FBXO16: variants seen among roughly 807,000 people sequenced by gnomAD.
FBXO16 encodes F-box only protein 16.
In FBXO16, 31 loss-of-function variants were observed where a neutral mutation model predicts 41.0. That is an observed-to-expected ratio of 0.76 (90% confidence interval 0.57 to 1.02). The LOEUF is 1.02. FBXO16 is among the 50% of genes least tolerant of loss of function. The probability of loss-of-function intolerance (pLI) is 0.00; values close to 1 mark genes in which losing one functional copy is unlikely to be tolerated. For missense variants in FBXO16, 361 were observed against 346.2 expected, an observed-to-expected ratio of 1.04 and a Z score of -0.34; for synonymous variants, 133 against 117.8, an observed-to-expected ratio of 1.13 and a Z score of -0.84.
chr8:28,460,658 C>A (rs1016822869), intron 4 of FBXO16, among the ~76,000 whole-genome samples: 1 of 151,916 alleles, frequency 6.6e-6, no homozygotes, highest in Non-Finnish European at 1.5e-5. Flanking sequence ...CTCCTGACCT[C>A]AAGTGATCTG....
intron 2 of FBXO16, among the ~76,000 whole-genome samples, chr8:28,481,837 G>T (rs1023519775): frequency 2.0e-5 from 3 of 150,928 alleles, no homozygotes; most frequent in Admixed American, 2.0e-4. Context: ...AGAATGCAAG[G>T]CCCTGAGCAT....
chr8:28,489,220 T>C (rs1055911923), intron 1 of FBXO16, among the ~76,000 whole-genome samples: 3 of 151,898 alleles, frequency 2.0e-5, no homozygotes, highest in African/African-American at 7.2e-5. Flanking sequence ...TGTGTGCCTA[T>C]AGTCCCAGCT....
intron 2 of FBXO16, among the ~76,000 whole-genome samples, chr8:28,483,014 G>A (rs183074764): frequency 1.1e-3 from 160 of 152,336 alleles, no homozygotes; most frequent in Non-Finnish European, 1.7e-3. Flanking sequence ...TTGGGGGAAT[G>A]CCATGGACCA....
intron 7 of FBXO16, among the ~76,000 whole-genome samples, chr8:28,433,032 G>C: frequency 6.6e-6 from 1 of 150,698 alleles, no homozygotes; most frequent in Non-Finnish European, 1.5e-5. Flanking sequence ...CTGCACTCCA[G>C]CCTCGGCGAC....
chr8:28,469,315 GA>G (rs78348990), intron 3 of FBXO16, among the ~76,000 whole-genome samples: 3,950 of 140,442 alleles, frequency 0.028, 93 homozygotes, highest in Non-Finnish European at 0.046. Context: ...CCCTGCCTCA[GA>G]AAAAAAAAAA....
At chr8:28,441,402 T>C (rs61327627) in intron 7 of FBXO16, among the ~76,000 whole-genome samples, 2,745 of 152,246 alleles carry the variant, frequency 0.018, 87 homozygotes, top group African/African-American at 0.063. Flanking sequence ...AGAAGACAGC[T>C]CCTTCCTTCC....
In FBXO16 at chr8:28,449,611, C is replaced by A. The variant is rs190815394; in HGVS notation, c.741-2338G>T. On this transcript the variant is annotated intron_variant, in intron 6 of 8. Coordinates refer to ENST00000380254, the MANE Select transcript of FBXO16 (RefSeq NM_172366.4). ...GTTCTGGGATTACAGGTGTTTGCCA[C>A]CACACCTGGCCTGATCTTCTTGGGA... 2.5e-3 allele frequency among the ~76,000 whole-genome samples: 383 copies of A among 152,094 alleles called. 1 individual carries two copies. Among genetic ancestry groups the A allele is most frequent in the South Asian group, 0.015 (74 of 4,806 alleles).
At position 28,428,458 on chromosome 8, in the gene FBXO16, A is replaced by G; in HGVS notation, c.*269T>C. 8.9e-7 allele frequency: 1 copy of G among 1,125,662 alleles called. No individual in the cohort carries two copies. The highest frequency in any genetic ancestry group is 1.2e-6 in the Non-Finnish European group (1 of 819,796). The allele number at this position is 1,125,662 out of a possible 1,614,324, so 69.7% of individuals were successfully genotyped here. ...GAAATACCGTAGGACTCACTACCAC[A>G]ATAAGTACTTAAGCTGAAAGAGTTT... On this transcript the variant is annotated 3_prime_UTR_variant, in exon 9 of 9. Coordinates refer to ENST00000380254, the MANE Select transcript of FBXO16 (RefSeq NM_172366.4).
intron 2 of FBXO16, among the ~76,000 whole-genome samples, chr8:28,477,466 T>G (rs1156887216): frequency 6.6e-6 from 1 of 152,230 alleles, no homozygotes; most frequent in Non-Finnish European, 1.5e-5. Context: ...CCACTCATTT[T>G]ACAAAGGAGG....
chr8:28,466,221 C>T (rs77271045), intron 3 of FBXO16, among the ~76,000 whole-genome samples: 5,347 of 152,020 alleles, frequency 0.035, 297 homozygotes, highest in African/African-American at 0.12. Flanking sequence ...AGAGCAAAAA[C>T]TCCATCTGAA....
At chr8:28,463,925 T>TGA (rs1803189615) in intron 3 of FBXO16, 107 bp from the exon 4 acceptor site, 2 of 1,032,442 alleles carry the variant, frequency 1.9e-6, no homozygotes, top group East Asian at 5.2e-5. Context: ...GTTTAGTAAT[T>TGA]TATTTCTAGT....
intron 1 of FBXO16, among the ~76,000 whole-genome samples, chr8:28,484,315 G>A (rs1803566377): frequency 6.6e-6 from 1 of 152,198 alleles, no homozygotes; most frequent in Non-Finnish European, 1.5e-5. Context: ...TATTGAAGAG[G>A]TAGCATGGTG....
chr8:28,434,417 TAAC>T (rs2130078581), intron 7 of FBXO16, among the ~76,000 whole-genome samples: 1 of 152,326 alleles, frequency 6.6e-6, no homozygotes, highest in African/African-American at 2.4e-5. Flanking sequence ...ATAAATATAG[TAAC>T]AACAATGACA....
intron 1 of FBXO16, among the ~76,000 whole-genome samples, chr8:28,488,293 CTTTTTTTT>C (rs10708340): frequency 5.2e-5 from 5 of 96,194 alleles, no homozygotes; most frequent in Non-Finnish European, 9.9e-5. Context: ...TCTTCTAAGC[CTTTTTTTT>C]TTTTTTTTTT....
intron 7 of FBXO16, among the ~76,000 whole-genome samples, chr8:28,441,221 C>T (rs1398922989): frequency 6.6e-6 from 1 of 152,084 alleles, no homozygotes; most frequent in African/African-American, 2.4e-5. Flanking sequence ...CTCTTTCCTC[C>T]CTACTCCCTC....
rs1214555229 is a variant in FBXO16, at chr8:28,441,835, T to TTA, written c.843+5334_843+5335dup. Among the ~76,000 whole-genome samples the TTA allele has an allele frequency of 3.0e-4, 44 of 148,970 alleles. 2 individuals are homozygous for TTA. The South Asian group carries it at 6.1e-3, about 21-fold the overall frequency. On this transcript the variant is annotated intron_variant, in intron 7 of 8. Coordinates refer to ENST00000380254, the MANE Select transcript of FBXO16 (RefSeq NM_172366.4). The stretch of plus-strand genomic sequence containing the variant: ...AGATGGTATCTGACTACTGTGAAGT[T>TTA]TATATATATATATAATGTGTGTATA...
chr8:28,441,796 T>C (rs1802781424), intron 7 of FBXO16, among the ~76,000 whole-genome samples: 1 of 150,346 alleles, frequency 6.7e-6, no homozygotes, highest in African/African-American at 2.4e-5. Context: ...TTGAAAATCT[T>C]TGAAGTTTAA....
At chr8:28,449,770 G>A (rs963030439) in intron 6 of FBXO16, among the ~76,000 whole-genome samples, 6 of 151,788 alleles carry the variant, frequency 4.0e-5, no homozygotes, top group African/African-American at 7.3e-5. Context: ...TTAGGAGTTC[G>A]AGACCAGCCT....
chr8:28,456,763 C>G lies in FBXO16; in HGVS notation c.507+3G>C. On this transcript the variant is annotated splice_donor_region_variant and intron_variant, in intron 5 of 8. Coordinates refer to ENST00000380254, the MANE Select transcript of FBXO16 (RefSeq NM_172366.4). ...AGCTTGTGGCTTTCTGTCTAAAATT[C>G]ACCTTAGGCTTGGTAATATGAAGTT... is the stretch of plus-strand genomic sequence containing the variant. The G allele has an allele frequency of 6.2e-7, 1 of 1,612,270 alleles. No homozygotes were observed. The highest frequency in any genetic ancestry group is 8.5e-7 in the Non-Finnish European group (1 of 1,179,000).
Sources: gnomAD v4.1 joint callset for allele counts (sites outside exome capture counted in the v4.1 genomes callset) on GRCh38, gnomAD v4.1.1 for gene constraint, MANE v1.5 for transcripts, NCBI Gene and HGNC (gene_info 2026-07-23, HGNC 2026-07-21) for gene names.